The following DHODH variants were observed in gnomAD, a reference collection of about 807,000 sequenced individuals.
The protein encoded by DHODH is dihydroorotate dehydrogenase (quinone).
Under a neutral mutation model 39.7 loss-of-function variants are expected in DHODH, and 30 were observed. That is an observed-to-expected ratio of 0.76 (90% CI 0.57 to 1.02). The LOEUF (loss-of-function observed/expected upper bound fraction) is 1.02, where lower values mean the gene tolerates loss of function less well. Among genes scored for constraint, DHODH ranks in the 50% least tolerant of loss-of-function variants. The pLI is 0.00. For missense variants in DHODH, 531 were observed against 520.8 expected (o/e 1.02, Z -0.19); for synonymous variants, 222 against 213.8 (o/e 1.04, Z -0.34).
At chr16:72,019,612 C>A (rs912243383) in intron 4 of DHODH, among the ~76,000 whole-genome samples, 1 of 152,088 alleles carries the variant, frequency 6.6e-6, no homozygotes, top group African/African-American at 2.4e-5. Context: ...ATTGATAGTC[C>A]TGTGGATTTT....
intron 4 of DHODH, 128 bp downstream of exon 4, chr16:72,017,234 A>T: frequency 1.0e-6 from 1 of 952,966 alleles, no homozygotes; most frequent in South Asian, 1.4e-5. Context: ...ACCTCAGGAC[A>T]CCTCTCCTAG....
chr16:72,013,093 CTGG>C (rs2041102278), intron 2 of DHODH, among the ~76,000 whole-genome samples: 1 of 152,200 alleles, frequency 6.6e-6, no homozygotes, highest in South Asian at 2.1e-4. Flanking sequence ...CCTCAGAACT[CTGG>C]TGGGAAGGGT....
rs1443517346 is a variant in DHODH, at chr16:72,012,197, C to A, written c.169C>A (p.Leu57Met). The change falls in exon 2 of 9, where the codon CTG becomes ATG. Residue 57 changes from leucine to methionine, a missense_variant. By Grantham distance (15) the Leu-to-Met change is conservative. Transcript: ENST00000219240. The part of the protein sequence containing the change: ...GLLDPESAHR[L>M]AVRFTSLGLL... ...GCTGGACCCGGAGTCAGCCCACAGA[C>A]TGGCTGTTCGCTTCACCTCCCTGGG... is the stretch of plus-strand genomic sequence containing the variant. The A allele has an allele frequency of 6.2e-7, 1 of 1,614,160 alleles. No individual in the cohort carries two copies. The highest frequency in any genetic ancestry group is 1.1e-5 in the South Asian group (1 of 91,084).
intron 4 of DHODH, among the ~76,000 whole-genome samples, chr16:72,019,341 A>AT (rs2041178141): frequency 6.6e-6 from 1 of 152,104 alleles, no homozygotes; most frequent in Non-Finnish European, 1.5e-5. Flanking sequence ...CGAGAGTGTG[A>AT]TTGGGGTTGG....
Position 72,024,339 on chromosome 16 carries a change from G to C in DHODH, c.*140G>C. On this transcript the variant is annotated 3_prime_UTR_variant, in exon 9 of 9. Transcript: ENST00000219240. ...CATGGCTGCACTGTAAACGCCAATC[G>C]GGGGGTCACCAGGATCAACCGCAGG... The C allele has an allele frequency of 2.3e-6, 2 of 871,178 alleles. No homozygotes were observed. The allele number at this position is 871,178 out of a possible 1,614,324, so 54.0% of individuals were successfully genotyped here.
intron 6 of DHODH, among the ~76,000 whole-genome samples, chr16:72,022,820 G>A (rs2041235365): frequency 6.6e-6 from 1 of 152,158 alleles, no homozygotes; most frequent in Admixed American, 6.5e-5. Flanking sequence ...GCATAGGAGA[G>A]TAGTGGAAAC....
Position 72,022,225 on chromosome 16 carries a change from G to C in DHODH, c.706-137G>C, listed in dbSNP as rs962726364. ...ACTGTACTCCTCACGTCTGAGGGCT[G>C]GCTTTCCTGAAAAGAAATTGTTTCT... On this transcript the variant is annotated intron_variant, in intron 5 of 8. Transcript: ENST00000219240. The C allele has an allele frequency of 2.8e-4, 195 of 696,200 alleles. No homozygotes were observed. The African/African-American group carries it at 2.9e-3, about 10-fold the overall frequency. The allele number at this position is 696,200 out of a possible 1,614,324, so 43.1% of individuals were successfully genotyped here. A position where few individuals can be genotyped will look rare whatever the true frequency, so the allele number is the denominator to read the frequency against.
chr16:72,022,806 T>C (rs1429791565), intron 6 of DHODH, among the ~76,000 whole-genome samples: 5 of 152,214 alleles, frequency 3.3e-5, no homozygotes, highest in Admixed American at 3.3e-4. Context: ...AGCGGGTCTC[T>C]GTGGCATAGG....
chr16:72,015,576 G>A (rs7189072), intron 3 of DHODH: 70 of 545,522 alleles, frequency 1.3e-4, no homozygotes, highest in African/African-American at 1.2e-3. Flanking sequence ...CCTGGGAGAC[G>A]GACCTGTAGG....
Position 72,012,080 on chromosome 16 carries a change from G to A in DHODH, c.52G>A (p.Gly18Arg), listed in dbSNP as rs773187468. 6 of 1,614,030 alleles carry A rather than the reference G, an allele frequency of 3.7e-6. No individual in the cohort carries two copies. Among genetic ancestry groups the A allele is most frequent in the Admixed American group, 1.7e-5 (1 of 60,002 alleles). ...KRAQDAVIIL[G>R]GGGLLFASYL... is the part of the protein sequence containing the mutation. ...GGCCCAGGATGCTGTGATCATCCTGGGGGGAGGAGGACTTCTCTTCGCCTC... is the reference window on the plus strand; with the variant it reads ...GGCCCAGGATGCTGTGATCATCCTGAGGGGAGGAGGACTTCTCTTCGCCTC... The change falls in exon 2 of 9, where the codon GGG becomes AGG. Residue 18 changes from glycine (G) to arginine (R), a missense_variant. Physicochemically the swap from Gly to Arg is moderately radical, Grantham distance 125. Coordinates refer to ENST00000219240, the MANE Select transcript of DHODH (RefSeq NM_001361.5).
Position 72,023,209 on chromosome 16 carries a change from C to T in DHODH, c.864C>T (p.Arg288=). The T allele has an allele frequency of 6.2e-7, 1 of 1,614,214 alleles. No individual in the cohort carries two copies. Among genetic ancestry groups the T allele is most frequent in the Non-Finnish European group, 8.5e-7 (1 of 1,180,044 alleles). Residue 288 remains arginine, a synonymous_variant, in exon 7 of 9, where the codon CGC becomes CGT. Transcript: ENST00000219240. The stretch of plus-strand genomic sequence containing the variant: ...TTGTTACGAACACCACCGTGAGTCG[C>T]CCTGCGGGCCTCCAGGGTGCCCTGC... ...GLIVTNTTVS[R]PAGLQGALRS... is the part of the protein sequence containing the mutation.
intron 3 of DHODH, chr16:72,016,554 A>T (rs2041143305): frequency 3.8e-6 from 1 of 265,746 alleles, no homozygotes. Context: ...TATGAAGGCC[A>T]GGGGGATGAG....
intron 2 of DHODH, among the ~76,000 whole-genome samples, chr16:72,014,045 T>C (rs1407597044): frequency 6.6e-6 from 1 of 152,126 alleles, no homozygotes; most frequent in Non-Finnish European, 1.5e-5. Flanking sequence ...TTAAAGGGTT[T>C]TGCTGCTTGA....
In DHODH at chr16:72,012,277, C is replaced by T; in HGVS notation, c.234+15C>T. 6.2e-7 allele frequency: 1 copy of T among 1,610,564 alleles called. No homozygotes were observed. The highest frequency in any genetic ancestry group is 8.5e-7 in the Non-Finnish European group (1 of 1,176,824). On this transcript the variant is annotated intron_variant, in intron 2 of 8. Transcript: ENST00000219240. ...CTGACATGCTGGTAGTGCTCCCAGACACCCTATACATTAAATACAAAGGCG... is the reference window on the plus strand; with the variant it reads ...CTGACATGCTGGTAGTGCTCCCAGATACCCTATACATTAAATACAAAGGCG...
chr16:72,015,374 T>C (rs757839354), intron 3 of DHODH, among the ~76,000 whole-genome samples: 1 of 152,230 alleles, frequency 6.6e-6, no homozygotes, highest in Admixed American at 6.5e-5. Flanking sequence ...AAATGTAATA[T>C]TCAACATGCA....
At chr16:72,023,714 A>G (rs2041249510) in intron 8 of DHODH, 81 bp downstream of exon 8, 2 of 1,584,844 alleles carry the variant, frequency 1.3e-6, no homozygotes, top group African/African-American at 2.7e-5. Context: ...GATACTGTTG[A>G]TCTGTTTCTT....
At chr16:72,023,796 G>A (rs1322589163) in intron 8 of DHODH, among the ~76,000 whole-genome samples, 163 bp downstream of exon 8, 2 of 152,192 alleles carry the variant, frequency 1.3e-5, no homozygotes, top group Non-Finnish European at 2.9e-5. Context: ...TTTGATGAAG[G>A]ACAAACAATG....
chr16:72,019,323 T>G (rs2143989070), intron 4 of DHODH, among the ~76,000 whole-genome samples: 1 of 152,234 alleles, frequency 6.6e-6, no homozygotes, highest in African/African-American at 2.4e-5. Flanking sequence ...TCTCATTTGC[T>G]GATGATGCGA....
intron 4 of DHODH, 147 bp from the exon 5 acceptor site, chr16:72,020,977 T>G: frequency 2.5e-6 from 2 of 798,964 alleles, no homozygotes; most frequent in Non-Finnish European, 4.0e-6. Context: ...CAGGCCGCAG[T>G]TGAGCACCTG....
Sources: allele counts gnomAD v4.1 joint callset (sites outside exome capture counted in the v4.1 genomes callset), GRCh38; gene constraint gnomAD v4.1.1; transcripts MANE v1.5; gene names NCBI Gene and HGNC (gene_info 2026-07-23, HGNC 2026-07-21).